NAALADL2: variants seen among roughly 807,000 people sequenced by gnomAD.
NAALADL2 encodes the protein N-acetylated alpha-linked acidic dipeptidase like 2, also known as inactive N-acetylated-alpha-linked acidic dipeptidase-like protein 2.
NAALADL2 carries 76 observed loss-of-function variants against 87.2 expected under a neutral mutation model. The ratio of observed to expected loss-of-function variants is 0.87; its 90% confidence interval spans 0.72 to 1.05. The LOEUF is 1.05. Ranked by LOEUF, NAALADL2 falls within the 50% of genes least tolerant of loss-of-function variation. The pLI, the probability that NAALADL2 is intolerant of heterozygous loss-of-function variation, is 0.00. For synonymous variants in NAALADL2, 354 were observed against 331.0 expected, an observed-to-expected ratio of 1.07 and a Z score of -0.75; for missense variants, 1,089 against 945.8, an observed-to-expected ratio of 1.15 and a Z score of -1.99.
intron 3 of NAALADL2, chr3:175,242,322 C>T (rs1747068455): frequency 6.6e-6 from 1 of 152,120 alleles, no homozygotes; most frequent in Non-Finnish European, 1.5e-5. Context: ...TTAGCAGATA[C>T]ATGTTTTAAT....
intron 12 of NAALADL2, among the ~76,000 whole-genome samples, chr3:175,745,214 T>C (rs901538787): frequency 6.6e-6 from 1 of 152,228 alleles, no homozygotes; most frequent in African/African-American, 2.4e-5. Context: ...TGGATGGTTC[T>C]TGAAAGCTCA....
intron 11 of NAALADL2, among the ~76,000 whole-genome samples, chr3:175,671,818 A>AT (rs1734046445): frequency 6.6e-6 from 1 of 152,056 alleles, no homozygotes; most frequent in South Asian, 2.1e-4. Flanking sequence ...TAATGTTACT[A>AT]TTTTTAAAAA....
At chr3:175,742,978 G>A (rs1434306002) in intron 12 of NAALADL2, among the ~76,000 whole-genome samples, 1 of 151,786 alleles carries the variant, frequency 6.6e-6, no homozygotes, top group Non-Finnish European at 1.5e-5. Flanking sequence ...TACTTCAGAG[G>A]AAGGTCAGAC....
chr3:175,214,119 A>G (rs1429678417), intron 2 of NAALADL2, among the ~76,000 whole-genome samples: 1 of 152,190 alleles, frequency 6.6e-6, no homozygotes, highest in Non-Finnish European at 1.5e-5. Flanking sequence ...AAACAAATGA[A>G]GATATTTGGA....
chr3:174,827,220 A>C (rs1201649215), intron 3 of NAALADL2, among the ~76,000 whole-genome samples: 1 of 152,196 alleles, frequency 6.6e-6, no homozygotes, highest in Non-Finnish European at 1.5e-5. Context: ...ATGTACTGGT[A>C]TATTAGTTTT....
intron 2 of NAALADL2, among the ~76,000 whole-genome samples, chr3:174,566,523 T>G (rs369536023): frequency 6.6e-6 from 1 of 151,824 alleles, no homozygotes; most frequent in African/African-American, 2.4e-5. Context: ...CAGTTGGACA[T>G]TTTTTAGTCA....
intron 5 of NAALADL2, among the ~76,000 whole-genome samples, chr3:175,391,041 T>C (rs1028220537): frequency 6.6e-6 from 1 of 152,160 alleles, no homozygotes; most frequent in South Asian, 2.1e-4. Flanking sequence ...TTATGGAGCA[T>C]CTGGTGCATG....
chr3:174,822,932 A>G (rs1423334364), intron 3 of NAALADL2, among the ~76,000 whole-genome samples: 1 of 152,214 alleles, frequency 6.6e-6, no homozygotes. Context: ...AGAAAGACAC[A>G]TTCTCACAAA....
chr3:175,685,883 C>G (rs762160383), intron 11 of NAALADL2, among the ~76,000 whole-genome samples: 1 of 152,204 alleles, frequency 6.6e-6, no homozygotes, highest in Non-Finnish European at 1.5e-5. Context: ...GAAAGGCAAT[C>G]TGCTTTATTT....
intron 13 of NAALADL2, among the ~76,000 whole-genome samples, chr3:175,787,000 G>C (rs1752078939): frequency 1.3e-5 from 2 of 151,938 alleles, no homozygotes; most frequent in South Asian, 4.1e-4. Context: ...CCCTGCTGGG[G>C]GGTGCCTCCC....
intron 9 of NAALADL2, among the ~76,000 whole-genome samples, chr3:175,514,648 A>T (rs1465718364): frequency 6.6e-6 from 1 of 152,178 alleles, no homozygotes; most frequent in African/African-American, 2.4e-5. Context: ...AAACAGTTAC[A>T]AGCAGCGGTG....
intron 5 of NAALADL2, among the ~76,000 whole-genome samples, chr3:175,386,906 G>T (rs1768445418): frequency 6.6e-6 from 1 of 152,064 alleles, no homozygotes; most frequent in African/African-American, 2.4e-5. Context: ...CAAGATAAAT[G>T]ATGCTGACAA....
At chr3:174,609,669 AC>A (rs1339693952) in intron 2 of NAALADL2, among the ~76,000 whole-genome samples, 2 of 152,178 alleles carry the variant, frequency 1.3e-5, no homozygotes, top group Non-Finnish European at 2.9e-5. Context: ...AAAAGAGTAT[AC>A]AAAGAAATGG....
chr3:175,081,367 C>G (rs1277712816), intron 1 of NAALADL2, among the ~76,000 whole-genome samples: 1 of 152,122 alleles, frequency 6.6e-6, no homozygotes. Context: ...TTTTGATGTT[C>G]ACTGGTATCT....
chr3:175,779,458 T>C (rs1999586), intron 13 of NAALADL2, among the ~76,000 whole-genome samples: 55,360 of 151,886 alleles, frequency 0.36, 11,246 homozygotes, highest in African/African-American at 0.54. Context: ...CATTTTTTTT[T>C]CAAAATGTTT....
intron 1 of NAALADL2, among the ~76,000 whole-genome samples, chr3:175,090,299 C>T (rs1719854968): frequency 1.3e-5 from 2 of 151,916 alleles, no homozygotes; most frequent in African/African-American, 4.8e-5. Context: ...TCAGGACACC[C>T]ATAAAATTTA....
At chr3:175,198,194 A>T (rs1048082558) in intron 2 of NAALADL2, among the ~76,000 whole-genome samples, 4 of 151,970 alleles carry the variant, frequency 2.6e-5, no homozygotes, top group African/African-American at 9.7e-5. Flanking sequence ...CCCAGTACTC[A>T]CTCCTAGCAA....
intron 11 of NAALADL2, chr3:175,655,519 G>T: frequency 2.9e-6 from 1 of 342,948 alleles, no homozygotes. Context: ...GGAATGTGTG[G>T]TATGTACTCT....
chr3:175,432,816 GA>G (rs1223714561), intron 5 of NAALADL2, among the ~76,000 whole-genome samples: 2 of 152,076 alleles, frequency 1.3e-5, no homozygotes, highest in Non-Finnish European at 2.9e-5. Flanking sequence ...AATGGAGCCG[GA>G]CTTTGACATG....
Sources: gnomAD v4.1 joint callset for allele counts (sites outside exome capture counted in the v4.1 genomes callset) on GRCh38, gnomAD v4.1.1 for gene constraint, MANE v1.5 for transcripts, NCBI Gene and HGNC (gene_info 2026-07-23, HGNC 2026-07-21) for gene names.